MMP26: variants seen among roughly 807,000 people sequenced by gnomAD.
MMP26 encodes the protein matrix metallopeptidase 26, also known as matrix metalloproteinase-26.
Under a neutral mutation model 31.0 loss-of-function variants are expected in MMP26, and 33 were observed. That is an observed-to-expected ratio of 1.06 (90% confidence interval 0.81 to 1.42). The LOEUF (loss-of-function observed/expected upper bound fraction) is 1.42, where lower values mean the gene tolerates loss of function less well. MMP26 is among the 40% of genes most tolerant of loss of function. The probability of loss-of-function intolerance (pLI) is 0.00; values close to 1 mark genes in which losing one functional copy is unlikely to be tolerated. For synonymous variants in MMP26, 122 were observed against 114.9 expected (o/e 1.06, Z -0.40); for missense variants, 347 against 316.1 (o/e 1.10, Z -0.74).
intron 1 of MMP26, chr11:4,719,539 C>T (rs1281350181): frequency 6.5e-6 from 1 of 153,340 alleles, no homozygotes; most frequent in Non-Finnish European, 1.5e-5. Flanking sequence ...AAAAGTACTC[C>T]ATTGTAGCAC....
intron 2 of MMP26, among the ~76,000 whole-genome samples, chr11:4,770,835 C>G (rs935374801): frequency 1.3e-5 from 2 of 151,838 alleles, no homozygotes; most frequent in Admixed American, 6.6e-5. Context: ...GTGAGAGACT[C>G]CGTCTAAAAA....
intron 2 of MMP26, among the ~76,000 whole-genome samples, chr11:4,897,252 G>T (rs983321074): frequency 3.3e-5 from 5 of 152,032 alleles, no homozygotes; most frequent in African/African-American, 1.2e-4. Flanking sequence ...CAATTCTCCT[G>T]CCTCAGCCTC....
rs1846326627 is a variant in MMP26 at position 4,947,263 on chromosome 11, G to C, written c.-144-40805G>C. 9.5e-6 allele frequency: 4 copies of C among 420,264 alleles called. 1 individual carries two copies. Among genetic ancestry groups the C allele is most frequent in the Non-Finnish European group, 1.6e-5 (4 of 244,096 alleles). 26.0% of individuals were successfully genotyped at this position (420,264 alleles called of 1,614,324 possible). ...TTATGTGGCTATCATCATGAAGAGA[G>C]ATGGTTGGTTGCTGCTTTGGACTAT... On this transcript the variant is annotated intron_variant, in intron 2 of 7. Transcript: ENST00000380390.
At chr11:4,849,550 T>C (rs1478835271) in intron 2 of MMP26, among the ~76,000 whole-genome samples, 1 of 152,188 alleles carries the variant, frequency 6.6e-6, no homozygotes, top group Non-Finnish European at 1.5e-5. Context: ...ACAAACACTT[T>C]AGGAAACAGT....
At position 4,826,115 on chromosome 11, in the gene MMP26, C is replaced by T. The variant is rs186125540; in HGVS notation, c.-145+58774C>T. On this transcript the variant is annotated intron_variant, in intron 2 of 7. Transcript: ENST00000380390. The stretch of plus-strand genomic sequence containing the variant: ...TAGGCTGGTGAACTCACAAAAGGGC[C>T]TTATCAGTGAGGTTTTCCATAAATC... 1.8e-4 allele frequency among the ~76,000 whole-genome samples: 28 copies of T among 152,124 alleles called. 1 individual carries two copies. The highest frequency in any genetic ancestry group is 7.9e-4 in the Admixed American group (12 of 15,268).
intron 2 of MMP26, among the ~76,000 whole-genome samples, chr11:4,870,479 G>A (rs1004452398): frequency 2.6e-5 from 4 of 152,034 alleles, no homozygotes; most frequent in Non-Finnish European, 5.9e-5. Context: ...TTAATGTGAA[G>A]TAGAGAGTGA....
At chr11:4,723,999 G>A (rs1006716653) in intron 1 of MMP26, 14 of 712,358 alleles carry the variant, frequency 2.0e-5, no homozygotes, top group African/African-American at 6.9e-5. Flanking sequence ...CTCCCATGCC[G>A]CTGGACCCAC....
intron 2 of MMP26, among the ~76,000 whole-genome samples, chr11:4,888,737 C>G (rs894588787): frequency 6.6e-6 from 1 of 152,112 alleles, no homozygotes; most frequent in African/African-American, 2.4e-5. Context: ...ATTCCTGGTT[C>G]TACTTATTTC....
chr11:4,908,388 C>A, intron 2 of MMP26: 1 of 1,189,328 alleles, frequency 8.4e-7, no homozygotes, highest in Non-Finnish European at 1.2e-6. Flanking sequence ...CCATAGAAGT[C>A]ACTAATGAAG....
chr11:4,934,667 T>C lies in MMP26; in HGVS notation c.-144-53401T>C, dbSNP rs912535841. Among the ~76,000 whole-genome samples the C allele has an allele frequency of 3.0e-4, 43 of 145,220 alleles. 1 individual carries two copies. Among genetic ancestry groups the C allele is most frequent in the African/African-American group, 1.0e-3 (40 of 39,522 alleles). ...TCCTTGCCCATGCCTATGTCCTGAA[T>C]GGTAATGCCTAGGTTTTCTTCTAGG... On this transcript the variant is annotated intron_variant, in intron 2 of 7. Coordinates refer to ENST00000380390, the MANE Select transcript of MMP26 (RefSeq NM_021801.5).
intron 2 of MMP26, chr11:4,946,455 C>A (rs1846306977): frequency 6.2e-7 from 1 of 1,609,084 alleles, no homozygotes; most frequent in South Asian, 1.1e-5. Context: ...TAAGACACAG[C>A]AATGAGAATA....
intron 2 of MMP26, among the ~76,000 whole-genome samples, chr11:4,959,927 C>G (rs1846497675): frequency 6.6e-6 from 1 of 152,032 alleles, no homozygotes; most frequent in South Asian, 2.1e-4. Context: ...CCTTTAGACT[C>G]ACAATCCATA....
chr11:4,961,365 C>G (rs561401261), intron 2 of MMP26, among the ~76,000 whole-genome samples: 7 of 152,132 alleles, frequency 4.6e-5, no homozygotes, highest in Admixed American at 4.6e-4. Context: ...TTCGATGGTG[C>G]CCAGCAACAT....
At chr11:4,724,233 C>A in intron 1 of MMP26, 1 of 447,566 alleles carries the variant, frequency 2.2e-6, no homozygotes, top group South Asian at 3.7e-5. Context: ...GGCCTTTGAT[C>A]TAGGTCTTAT....
At chr11:4,885,307 G>A (rs1054769792) in intron 2 of MMP26, among the ~76,000 whole-genome samples, 1 of 152,096 alleles carries the variant, frequency 6.6e-6, no homozygotes, top group Non-Finnish European at 1.5e-5. Context: ...GCAATCCTAT[G>A]GAGAGATTAT....
chr11:4,932,965 A>G (rs1447057868), intron 2 of MMP26, among the ~76,000 whole-genome samples: 1 of 152,166 alleles, frequency 6.6e-6, no homozygotes. Context: ...ATTGGCATTG[A>G]AGCATGTGTT....
chr11:4,974,242 C>T (rs1589822300), intron 2 of MMP26, among the ~76,000 whole-genome samples: 1 of 151,512 alleles, frequency 6.6e-6, no homozygotes, highest in East Asian at 1.9e-4. Flanking sequence ...TATAACGTTG[C>T]AATATATGTC....
chr11:4,958,459 A>G (rs11602673), intron 2 of MMP26, among the ~76,000 whole-genome samples: 19,782 of 152,072 alleles, frequency 0.13, 1,407 homozygotes, highest in South Asian at 0.17. Flanking sequence ...AGATTTTTCT[A>G]TTGTTGATTC....
rs1200216861 is a variant in MMP26, at chr11:4,812,627, C to A, written c.-145+45286C>A. ...GGTGCAAAGGGTTGGATAGAGGGAACAATCTATGTATTTATTTCACACTCA... is the reference window on the plus strand; with the variant it reads ...GGTGCAAAGGGTTGGATAGAGGGAAAAATCTATGTATTTATTTCACACTCA... On this transcript the variant is annotated intron_variant, in intron 2 of 7. Coordinates refer to ENST00000380390, the MANE Select transcript of MMP26 (RefSeq NM_021801.5). Among the ~76,000 whole-genome samples, 4 of 152,174 alleles carry A rather than the reference C, an allele frequency of 2.6e-5. No homozygotes were observed. The East Asian group carries it at 5.8e-4, about 22-fold the overall frequency.
Sources: allele counts gnomAD v4.1 joint callset (sites outside exome capture counted in the v4.1 genomes callset), GRCh38; gene constraint gnomAD v4.1.1; transcripts MANE v1.5; gene names NCBI Gene and HGNC (gene_info 2026-07-23, HGNC 2026-07-21).